The following ATP2A2 variants were observed in gnomAD, a reference collection of about 807,000 sequenced individuals.
ATP2A2 encodes the protein sarcoplasmic/endoplasmic reticulum calcium ATPase 2.
A neutral mutation model predicts 109.3 loss-of-function variants in ATP2A2; 14 were observed. That is an observed-to-expected ratio of 0.13 (90% CI 0.08 to 0.20). ATP2A2 has a LOEUF of 0.20. Ranked by LOEUF, ATP2A2 falls within the 10% of genes least tolerant of loss-of-function variation. ATP2A2 has a pLI of 1.00. For missense variants in ATP2A2, 657 were observed against 1,321.6 expected (o/e 0.50, Z 7.80); for synonymous variants, 506 against 490.9 (o/e 1.03, Z -0.41).
chr12:110,339,452 C>T lies in ATP2A2; in HGVS notation c.1542+49C>T. 6.2e-7 allele frequency: 1 copy of T among 1,614,072 alleles called. No individual in the cohort carries two copies. The highest frequency in any genetic ancestry group is 2.2e-5 in the East Asian group (1 of 44,886). ...AGATGTTCTTGCCAGGGTTAAGATC[C>T]CGGTGAACCAATAAAACAAAATTGT... On this transcript the variant is annotated intron_variant, in intron 12 of 19. Transcript: ENST00000539276. The surrounding 1 kb of genome is among the most constrained non-coding windows in gnomAD (Gnocchi z 4.4).
rs769161607 is a variant in ATP2A2, at chr12:110,345,260, A to C, written c.2619A>C (p.Leu873=). ...GGATTTTCTTGCAGAGTCATTTCCT[A>C]CAGTGTAAAGAGGACAACCCGGACT... ...RVSFYQLSHF[L]QCKEDNPDFE... Residue 873 remains leucine (L), a synonymous_variant, in exon 18 of 20, where the codon CTA becomes CTC. Transcript: ENST00000539276. 150 of 1,614,024 alleles carry C rather than the reference A, an allele frequency of 9.3e-5. No individual in the cohort carries two copies. Among genetic ancestry groups the C allele is most frequent in the Non-Finnish European group, 1.2e-4 (145 of 1,180,036 alleles).
At position 110,291,895 on chromosome 12, in the gene ATP2A2, C is replaced by T. The variant is rs929189921; in HGVS notation, c.220-125C>T. On this transcript the variant is annotated intron_variant, in intron 3 of 19. Coordinates refer to ENST00000539276, the MANE Select transcript of ATP2A2 (RefSeq NM_170665.4). The stretch of plus-strand genomic sequence containing the variant: ...ACTCTTGACCTCAGGTGATCGCCTG[C>T]CTTGGCCTCCCAAAGTGCTGGGATT... The T allele has an allele frequency of 3.6e-6, 3 of 829,740 alleles. No individual in the cohort carries two copies. In the African/African-American group the frequency reaches 5.1e-5, roughly 14 times the overall value. The allele number at this position is 829,740 out of a possible 1,614,324, so 51.4% of individuals were successfully genotyped here.
rs1287902011 is a variant in ATP2A2, at chr12:110,350,926, T to C, written c.*4456T>C. On this transcript the variant is annotated 3_prime_UTR_variant, in exon 20 of 20. Transcript: ENST00000539276. ...AAGCAGTAGACAGATGTTGGTGCAATACAAATATTGTGATGCATTTATCTT... is the reference window on the plus strand; with the variant it reads ...AAGCAGTAGACAGATGTTGGTGCAACACAAATATTGTGATGCATTTATCTT... The C allele has an allele frequency of 1.3e-5, 2 of 153,908 alleles. No homozygotes were observed. Among genetic ancestry groups the C allele is most frequent in the Non-Finnish European group, 2.9e-5 (2 of 69,146 alleles). The allele number at this position is 153,908 out of a possible 1,614,324, so 9.5% of individuals were successfully genotyped here.
At chr12:110,291,149 C>A (rs1016653222) in intron 3 of ATP2A2, among the ~76,000 whole-genome samples, 3 of 151,688 alleles carry the variant, frequency 2.0e-5, no homozygotes, top group African/African-American at 7.3e-5. Context: ...CTCAGGTGAT[C>A]CCCCCGCCTT....
chr12:110,287,435 T>C (rs561288847), intron 3 of ATP2A2, among the ~76,000 whole-genome samples: 1 of 152,308 alleles, frequency 6.6e-6, no homozygotes, highest in Non-Finnish European at 1.5e-5. Flanking sequence ...GTGGTTACTT[T>C]GAATAATACT....
In ATP2A2 at chr12:110,350,119, T is replaced by G. The variant is rs1294130829; in HGVS notation, c.*3649T>G. ...CAGTGCTTCTAGATGCTACCCTGTGTGGGCGGCACCTCAGGGACAGTAAAT... is the reference window on the plus strand; with the variant it reads ...CAGTGCTTCTAGATGCTACCCTGTGGGGGCGGCACCTCAGGGACAGTAAAT... On this transcript the variant is annotated 3_prime_UTR_variant, in exon 20 of 20. Coordinates refer to ENST00000539276, the MANE Select transcript of ATP2A2 (RefSeq NM_170665.4). The G allele has an allele frequency of 6.6e-7, 1 of 1,504,426 alleles. No individual in the cohort carries two copies. The highest frequency in any genetic ancestry group is 2.1e-5 in the Admixed American group (1 of 48,030). The allele number at this position is 1,504,426 out of a possible 1,614,324, so 93.2% of individuals were successfully genotyped here. A position where few individuals can be genotyped will look rare whatever the true frequency, so the allele number is the denominator to read the frequency against.
At chr12:110,304,747 T>A (rs1875079201) in intron 5 of ATP2A2, among the ~76,000 whole-genome samples, 1 of 152,218 alleles carries the variant, frequency 6.6e-6, no homozygotes, top group Non-Finnish European at 1.5e-5. Flanking sequence ...AACATACAAG[T>A]TTTTAATATG....
At chr12:110,326,284 C>A in intron 6 of ATP2A2, 106 bp from the exon 7 acceptor site, 1 of 1,077,730 alleles carries the variant, frequency 9.3e-7, no homozygotes, top group Non-Finnish European at 1.4e-6. Flanking sequence ...CCTTTTCTCA[C>A]ACTAACAGTA....
upstream of ATP2A2, chr12:110,280,655 A>T (rs1006900723): frequency 2.0e-5 from 3 of 152,308 alleles, no homozygotes; most frequent in East Asian, 5.8e-4. Flanking sequence ...CGTGCGAAGG[A>T]GCTGGCGGCA....
Position 110,292,049 on chromosome 12 carries a change from A to G in ATP2A2, c.249A>G (p.Glu83=). 1 of 1,614,204 alleles carries G rather than the reference A, an allele frequency of 6.2e-7. No homozygotes were observed. Among genetic ancestry groups the G allele is most frequent in the Admixed American group, 1.7e-5 (1 of 60,032 alleles). Residue 83 remains glutamate, a synonymous_variant, in exon 4 of 20, where the codon GAA becomes GAG. Transcript: ENST00000539276. The part of the protein sequence containing the change: ...FVLAWFEEGE[E]TITAFVEPFV... ...TGGCTTGGTTTGAAGAAGGTGAAGA[A>G]ACAATTACAGCCTTTGTAGAACCTT...
In ATP2A2 at chr12:110,346,196, G is replaced by A. The variant is rs770726008; in HGVS notation, c.2860-5G>A. 1 of 1,614,010 alleles carries A rather than the reference G, an allele frequency of 6.2e-7. No homozygotes were observed. The highest frequency in any genetic ancestry group is 8.5e-7 in the Non-Finnish European group (1 of 1,180,040). On this transcript the variant is annotated splice_polypyrimidine_tract_variant and splice_region_variant and intron_variant, in intron 19 of 19. Transcript: ENST00000539276. ...GAGGCGTGACACGTCTTCCCTGTGT[G>A]TCAGCTCATCTTCCAGATCACACCG...
intron 11 of ATP2A2, 59 bp downstream of exon 11, chr12:110,334,202 T>TA (rs1368201630): frequency 6.3e-7 from 1 of 1,596,176 alleles, no homozygotes; most frequent in Admixed American, 1.7e-5. Flanking sequence ...TATATATACT[T>TA]AGTGTCTGCA....
Position 110,347,803 on chromosome 12 carries a change from C to T in ATP2A2, c.*1333C>T. On this transcript the variant is annotated 3_prime_UTR_variant, in exon 20 of 20. Transcript: ENST00000539276. ...ATCCATCAACTAACGTGAGTATTTTCTTCCTGGGATTTGGATGCTTTAGCC... is the reference window on the plus strand; with the variant it reads ...ATCCATCAACTAACGTGAGTATTTTTTTCCTGGGATTTGGATGCTTTAGCC... 1 of 1,047,842 alleles carries T rather than the reference C, an allele frequency of 9.5e-7. No homozygotes were observed. The highest frequency in any genetic ancestry group is 1.2e-6 in the Non-Finnish European group (1 of 866,974). The allele number at this position is 1,047,842 out of a possible 1,614,324, so 64.9% of individuals were successfully genotyped here.
intron 5 of ATP2A2, among the ~76,000 whole-genome samples, chr12:110,301,754 C>A (rs925353155): frequency 6.6e-6 from 1 of 152,220 alleles, no homozygotes; most frequent in Non-Finnish European, 1.5e-5. Context: ...ATTCTCTGAC[C>A]TGATAAACTT....
At chr12:110,322,488 G>A (rs1163181686) in intron 5 of ATP2A2, among the ~76,000 whole-genome samples, 2 of 151,330 alleles carry the variant, frequency 1.3e-5, no homozygotes, top group Admixed American at 1.3e-4. Flanking sequence ...AAAAAAAAAA[G>A]TGGTGTTACT....
In ATP2A2 at chr12:110,348,940, C is replaced by T. The variant is rs1390711616; in HGVS notation, c.*2470C>T. 2 of 985,364 alleles carry T rather than the reference C, an allele frequency of 2.0e-6. No homozygotes were observed. The highest frequency in any genetic ancestry group is 2.4e-6 in the Non-Finnish European group (2 of 829,968). The allele number at this position is 985,364 out of a possible 1,614,324, so 61.0% of individuals were successfully genotyped here. Reference sequence around the variant, plus strand: ...ATTGCTATTCCGTGCAAACAAAACTCAGCTTTTCCTGACTCAGTTCCTTGA... The same window carrying T: ...ATTGCTATTCCGTGCAAACAAAACTTAGCTTTTCCTGACTCAGTTCCTTGA... On this transcript the variant is annotated 3_prime_UTR_variant, in exon 20 of 20. Transcript: ENST00000539276.
chr12:110,343,547 C>T, intron 16 of ATP2A2, 113 bp downstream of exon 16: 1 of 1,228,128 alleles, frequency 8.1e-7, no homozygotes, highest in Non-Finnish European at 1.2e-6. Flanking sequence ...TATAGGGTAG[C>T]AAAAGACAGA....
At chr12:110,288,404 C>G (rs1334621305) in intron 3 of ATP2A2, among the ~76,000 whole-genome samples, 1 of 145,058 alleles carries the variant, frequency 6.9e-6, no homozygotes, top group Non-Finnish European at 1.5e-5. Context: ...ACAGATAATT[C>G]TTTTTTTTTT....
intron 10 of ATP2A2, 61 bp from the exon 11 acceptor site, chr12:110,333,951 A>G: frequency 1.2e-6 from 2 of 1,607,918 alleles, no homozygotes; most frequent in Admixed American, 3.3e-5. Context: ...AAAATATTAA[A>G]GATAAATTTA....
Sources: gnomAD v4.1 joint callset for allele counts (sites outside exome capture counted in the v4.1 genomes callset) on GRCh38, gnomAD v4.1.1 for gene constraint, Gnocchi (gnomAD v3.1) non-coding constraint, MANE v1.5 for transcripts, NCBI Gene and HGNC (gene_info 2026-07-23, HGNC 2026-07-21) for gene names.